MYO9A: variants seen among roughly 807,000 people sequenced by gnomAD.
MYO9A encodes the protein unconventional myosin-IXa.
Under a neutral mutation model 293.3 loss-of-function variants are expected in MYO9A, and 103 were observed. The ratio of observed to expected loss-of-function variants is 0.35; its 90% CI spans 0.30 to 0.41. The LOEUF is 0.41. Ranked by LOEUF, MYO9A falls within the 10% of genes least tolerant of loss-of-function variation. The pLI, the probability that MYO9A is intolerant of heterozygous loss-of-function variation, is 1.00. For synonymous variants in MYO9A, 1,001 were observed against 1,035.7 expected, an observed-to-expected ratio of 0.97 and a Z score of 0.64; for missense variants, 2,685 against 3,033.0, an observed-to-expected ratio of 0.89 and a Z score of 2.69.
intron 2 of MYO9A, chr15:72,041,176 T>C: frequency 2.6e-6 from 3 of 1,156,670 alleles, no homozygotes. Flanking sequence ...GCCAGGGAGG[T>C]TGAGGCTCCC....
At chr15:71,966,639 G>A (rs1023708840) in intron 13 of MYO9A, among the ~76,000 whole-genome samples, 20 of 151,856 alleles carry the variant, frequency 1.3e-4, no homozygotes, top group African/African-American at 4.8e-4. Context: ...ATGGTTTACC[G>A]CCAGAAATAC....
chr15:71,972,325 T>C (rs1368444755), intron 12 of MYO9A: 1 of 152,170 alleles, frequency 6.6e-6, no homozygotes, highest in African/African-American at 2.4e-5. Flanking sequence ...ATTGTATCCT[T>C]TGCAATATCC....
chr15:72,099,371 C>T (rs1401202051), intron 1 of MYO9A, among the ~76,000 whole-genome samples: 2 of 130,220 alleles, frequency 1.5e-5, no homozygotes, highest in Non-Finnish European at 1.5e-5. Context: ...ACCTGGGAGG[C>T]AGAGGTTGGC....
chr15:71,941,328 A>T (rs2058768644), intron 15 of MYO9A, among the ~76,000 whole-genome samples: 1 of 152,058 alleles, frequency 6.6e-6, no homozygotes, highest in Non-Finnish European at 1.5e-5. Context: ...CCAACTACTC[A>T]GGAGGCTGAG....
In MYO9A at chr15:71,994,550, C is replaced by A. The variant is rs755927732; in HGVS notation, c.1506G>T (p.Leu502=). Reference sequence around the variant, plus strand: ...CTATCCAGTCAAACAGGGCACTATACAGAGACTTAGCCATGGAGTTCCTCA... The same window carrying A: ...CTATCCAGTCAAACAGGGCACTATAAAGAGACTTAGCCATGGAGTTCCTCA... ...VTVRNSMAKS[L]YSALFDWIVF... Residue 502 remains leucine (L), a synonymous_variant, in exon 10 of 42, where the codon CTG becomes CTT. Coordinates refer to ENST00000356056, the MANE Select transcript of MYO9A (RefSeq NM_006901.4). The A allele has an allele frequency of 6.2e-7, 1 of 1,609,326 alleles. No individual in the cohort carries two copies. The highest frequency in any genetic ancestry group is 8.5e-7 in the Non-Finnish European group (1 of 1,178,840).
intron 39 of MYO9A, among the ~76,000 whole-genome samples, chr15:71,847,226 GA>G (rs1160597633): frequency 6.6e-6 from 1 of 152,164 alleles, no homozygotes; most frequent in East Asian, 1.9e-4. Flanking sequence ...ACAGAGGAAG[GA>G]AAATGAAGGA....
rs577149022 is a variant in MYO9A at position 72,014,530 on chromosome 15, A to G, written c.1156-4083T>C. On this transcript the variant is annotated intron_variant, in intron 6 of 41. Coordinates refer to ENST00000356056, the MANE Select transcript of MYO9A (RefSeq NM_006901.4). Reference sequence around the variant, plus strand: ...GTGAAAACCTATCTCTACTAAAAATACAAAAATTAGCCAGGCGTGGTGCCG... The same window carrying G: ...GTGAAAACCTATCTCTACTAAAAATGCAAAAATTAGCCAGGCGTGGTGCCG... Among the ~76,000 whole-genome samples the G allele has an allele frequency of 3.9e-5, 6 of 152,220 alleles. No individual in the cohort carries two copies. In the East Asian group the frequency reaches 1.2e-3, roughly 29 times the overall value.
At chr15:71,952,518 T>C (rs1424614845) in intron 14 of MYO9A, among the ~76,000 whole-genome samples, 1 of 152,094 alleles carries the variant, frequency 6.6e-6, no homozygotes, top group East Asian at 1.9e-4. Flanking sequence ...CAGTGAAAAA[T>C]AGAAGAGAGC....
At chr15:72,069,702 T>C (rs1002819369) in intron 1 of MYO9A, among the ~76,000 whole-genome samples, 1 of 152,110 alleles carries the variant, frequency 6.6e-6, no homozygotes, top group African/African-American at 2.4e-5. Context: ...AAGTAAACAG[T>C]GACTCTTTTT....
At chr15:71,901,842 G>T (rs181358632) in intron 22 of MYO9A, among the ~76,000 whole-genome samples, 7 of 152,062 alleles carry the variant, frequency 4.6e-5, no homozygotes, top group African/African-American at 1.7e-4. Flanking sequence ...TGTTGGGATG[G>T]GGAAAAAAGT....
At chr15:71,839,115 A>C (rs1310313435) in intron 39 of MYO9A, among the ~76,000 whole-genome samples, 2 of 151,852 alleles carry the variant, frequency 1.3e-5, no homozygotes, top group Non-Finnish European at 2.9e-5. Flanking sequence ...TTTTATTTGC[A>C]CTTTTTTCAC....
At chr15:72,075,843 CAGA>C (rs2079333328) in intron 1 of MYO9A, among the ~76,000 whole-genome samples, 3 of 151,962 alleles carry the variant, frequency 2.0e-5, no homozygotes, top group Non-Finnish European at 2.9e-5. Flanking sequence ...TAATCTCAGA[CAGA>C]AGTCTAGATC....
intron 39 of MYO9A, among the ~76,000 whole-genome samples, chr15:71,835,548 A>G (rs1457423320): frequency 2.0e-5 from 3 of 152,204 alleles, no homozygotes; most frequent in African/African-American, 7.2e-5. Context: ...AATATTAAAT[A>G]CCTAGTAGTA....
chr15:71,912,183 T>C (rs1048096329), intron 19 of MYO9A, among the ~76,000 whole-genome samples: 1 of 152,174 alleles, frequency 6.6e-6, no homozygotes, highest in African/African-American at 2.4e-5. Context: ...GATACTTTTA[T>C]TATATATTTT....
intron 2 of MYO9A, chr15:72,041,256 T>A (rs931610562): frequency 2.4e-6 from 3 of 1,254,002 alleles, no homozygotes; most frequent in Non-Finnish European, 3.4e-6. Context: ...CACCTGTACA[T>A]CTTCACCTGC....
intron 1 of MYO9A, among the ~76,000 whole-genome samples, chr15:72,062,301 A>G (rs926224654): frequency 1.3e-5 from 2 of 152,212 alleles, no homozygotes; most frequent in African/African-American, 4.8e-5. Flanking sequence ...CCAGACACCA[A>G]CGAACACCCA....
At chr15:72,072,280 C>T (rs2079217534) in intron 1 of MYO9A, among the ~76,000 whole-genome samples, 1 of 151,744 alleles carries the variant, frequency 6.6e-6, no homozygotes, top group Admixed American at 6.6e-5. Flanking sequence ...TACAGGCGCC[C>T]GCCACCACGC....
Position 71,901,359 on chromosome 15 carries a change from A to T in MYO9A, c.3001-19T>A. On this transcript the variant is annotated intron_variant, in intron 22 of 41. Coordinates refer to ENST00000356056, the MANE Select transcript of MYO9A (RefSeq NM_006901.4). ...GAAAGACCTACCAAAAGGAAGAAAG[A>T]TGAGGAATGCAGCTTAAGAAGAAAT... 6.2e-7 allele frequency: 1 copy of T among 1,603,438 alleles called. No individual in the cohort carries two copies. Among genetic ancestry groups the T allele is most frequent in the Non-Finnish European group, 8.5e-7 (1 of 1,176,136 alleles).
chr15:71,865,149 C>T (rs769784908), intron 32 of MYO9A, among the ~76,000 whole-genome samples: 1 of 152,100 alleles, frequency 6.6e-6, no homozygotes, highest in Non-Finnish European at 1.5e-5. Flanking sequence ...TTATAACTGA[C>T]CTCATTAGAA....
Sources: gnomAD v4.1 joint callset for allele counts (sites outside exome capture counted in the v4.1 genomes callset) on GRCh38, gnomAD v4.1.1 for gene constraint, MANE v1.5 for transcripts, NCBI Gene and HGNC (gene_info 2026-07-23, HGNC 2026-07-21) for gene names.